The following SMPD3 variants were observed in gnomAD, a reference collection of about 807,000 sequenced individuals.
The protein encoded by SMPD3 is sphingomyelin phosphodiesterase 3, also known as nSMase-2.
In SMPD3, 21 loss-of-function variants were observed where a neutral mutation model predicts 55.7. The observed-to-expected ratio is 0.38, with a 90% CI of 0.27 to 0.54. SMPD3 has a LOEUF of 0.54. Among genes scored for constraint, SMPD3 ranks in the 20% least tolerant of loss-of-function variants. The pLI is 0.80. For missense variants in SMPD3, 842 were observed against 899.6 expected, an observed-to-expected ratio of 0.94 and a Z score of 0.82; for synonymous variants, 457 against 404.3, an observed-to-expected ratio of 1.13 and a Z score of -1.56.
rs1310840184 is a variant in SMPD3 at position 68,371,666 on chromosome 16, G to A, written c.516C>T (p.Asp172=). Residue 172 remains aspartate (D), a synonymous_variant, in exon 3 of 9, where the codon GAC becomes GAT. Transcript: ENST00000219334. ...AARPQIKIYI[D]SPTNTSISAA... ...CGCTGATGGAGGTATTGGTGGGGGA[G>A]TCGATGTAAATTTTGATCTGGGGCC... is the stretch of plus-strand genomic sequence containing the variant. 3 of 1,567,494 alleles carry A rather than the reference G, an allele frequency of 1.9e-6. No individual in the cohort carries two copies. The highest frequency in any genetic ancestry group is 2.6e-6 in the Non-Finnish European group (3 of 1,157,374).
At chr16:68,399,318 G>C (rs1470493376) in intron 1 of SMPD3, among the ~76,000 whole-genome samples, 1 of 152,226 alleles carries the variant, frequency 6.6e-6, no homozygotes, top group African/African-American at 2.4e-5. Context: ...GTGAAGGTCA[G>C]GAGGTGAGAA....
Position 68,361,263 on chromosome 16 carries a change from C to T in SMPD3, c.1911G>A (p.Thr637=), listed in dbSNP as rs760408988. The stretch of plus-strand genomic sequence containing the variant: ...GTCGCATGGCTACTGGCAGGTGGTC[C>T]GTCAGGCCGGACAGCTGGGTGATAA... The part of the protein sequence containing the change: ...FSFITQLSGL[T]DHLPVAMRLM... The change falls in exon 9 of 9, where the codon ACG becomes ACA. Residue 637 remains threonine (T), a synonymous_variant. Coordinates refer to ENST00000219334, the MANE Select transcript of SMPD3 (RefSeq NM_018667.4). 26 of 1,611,998 alleles carry T rather than the reference C, an allele frequency of 1.6e-5. No homozygotes were observed. Among genetic ancestry groups the T allele is most frequent in the South Asian group, 5.5e-5 (5 of 90,602 alleles).
intron 1 of SMPD3, among the ~76,000 whole-genome samples, chr16:68,396,621 A>C (rs1365723136): frequency 2.0e-5 from 3 of 150,836 alleles, no homozygotes; most frequent in Non-Finnish European, 4.4e-5. Context: ...CACAGGGCCC[A>C]GTCCCTGACA....
chr16:68,396,589 G>A (rs544418966), intron 1 of SMPD3, among the ~76,000 whole-genome samples: 20 of 152,044 alleles, frequency 1.3e-4, no homozygotes, highest in Non-Finnish European at 2.6e-4. Context: ...TACTGGCAGC[G>A]TAGAGCCCCC....
chr16:68,361,369 G>A (rs2089253824), intron 8 of SMPD3, 62 bp from the exon 9 acceptor site: 1 of 1,526,904 alleles, frequency 6.5e-7, no homozygotes, highest in African/African-American at 1.4e-5. Flanking sequence ...CTTGCAGGGA[G>A]CGGCCTGGGG....
intron 2 of SMPD3, among the ~76,000 whole-genome samples, chr16:68,385,969 T>G (rs2090046498): frequency 6.6e-6 from 1 of 152,226 alleles, no homozygotes; most frequent in South Asian, 2.1e-4. Context: ...GTGCCTGTAG[T>G]CCTAGCACAT....
chr16:68,367,821 T>G (rs2089531628), intron 3 of SMPD3: 1 of 152,290 alleles, frequency 6.6e-6, no homozygotes. Flanking sequence ...CGAAAGGCTG[T>G]GCCTTTGAGT....
chr16:68,444,455 CCT>C (rs1355025342), intron 1 of SMPD3, among the ~76,000 whole-genome samples: 53 of 152,304 alleles, frequency 3.5e-4, no homozygotes, highest in African/African-American at 1.3e-3. Context: ...TTCTAAGGAG[CCT>C]CTCAGAACTG....
In SMPD3 at chr16:68,378,566, C is replaced by T. The variant is rs529290879; in HGVS notation, c.-206-6179G>A. ...TCCCTGCAGTCCTCCCTGACCTGCA[C>T]ACCCCCCCACCCCCTCAGTCTGTCA... On this transcript the variant is annotated intron_variant, in intron 2 of 8. Coordinates refer to ENST00000219334, the MANE Select transcript of SMPD3 (RefSeq NM_018667.4). Among the ~76,000 whole-genome samples, 19 of 152,076 alleles carry T rather than the reference C, an allele frequency of 1.2e-4. No individual in the cohort carries two copies. The East Asian group carries it at 2.9e-3, about 23-fold the overall frequency.
At chr16:68,393,282 G>T (rs2090128308) in intron 1 of SMPD3, among the ~76,000 whole-genome samples, 1 of 152,186 alleles carries the variant, frequency 6.6e-6, no homozygotes. Context: ...GTGTGAGTCT[G>T]TAGTCCCAGC....
intron 1 of SMPD3, among the ~76,000 whole-genome samples, chr16:68,414,624 G>A (rs2090325608): frequency 6.6e-6 from 1 of 152,294 alleles, no homozygotes; most frequent in South Asian, 2.1e-4. Flanking sequence ...AGGAACAGAA[G>A]GAATGGCATG....
intron 1 of SMPD3, among the ~76,000 whole-genome samples, chr16:68,389,234 G>T (rs1471643776): frequency 6.6e-6 from 1 of 152,204 alleles, no homozygotes; most frequent in Non-Finnish European, 1.5e-5. Context: ...CGTTTACCTA[G>T]CACAGCAAGG....
intron 1 of SMPD3, among the ~76,000 whole-genome samples, chr16:68,412,628 A>T (rs2090310806): frequency 6.6e-6 from 1 of 152,220 alleles, no homozygotes; most frequent in African/African-American, 2.4e-5. Flanking sequence ...TTACAAAGAA[A>T]ATCAAGCCCA....
At chr16:68,389,169 A>G (rs2090088665) in intron 1 of SMPD3, among the ~76,000 whole-genome samples, 1 of 152,220 alleles carries the variant, frequency 6.6e-6, no homozygotes, top group Non-Finnish European at 1.5e-5. Context: ...TCTGGCTTAA[A>G]TAGGCAGTAG....
intron 1 of SMPD3, among the ~76,000 whole-genome samples, chr16:68,416,131 C>G (rs932057091): frequency 3.3e-5 from 5 of 152,194 alleles, no homozygotes; most frequent in African/African-American, 9.7e-5. Flanking sequence ...ACTCTGAGAC[C>G]AGACCTCTAT....
At position 68,371,791 on chromosome 16, in the gene SMPD3, C is replaced by T. The variant is rs34840366; in HGVS notation, c.391G>A (p.Val131Ile). The stretch of plus-strand genomic sequence containing the variant: ...GCGAGTGAGTCGGGCAGGAGGCAGA[C>T]GTTGGCAGTGGCAAAGCAGAAGCTT... ...GKSFCFATAN[V>I]CLLPDSLARV... The change falls in exon 3 of 9, where the codon GTC becomes ATC. Residue 131 changes from valine (V) to isoleucine (I), a missense_variant. Physicochemically the swap from Val to Ile is conservative, Grantham distance 29 (BLOSUM62 3). Around this residue, in one of 2 missense-constraint regions of SMPD3, gnomAD observed 193 missense variants for 256.0 expected, o/e 0.75. Transcript: ENST00000219334. The T allele has an allele frequency of 1.3e-5, 21 of 1,609,608 alleles. No individual in the cohort carries two copies. The highest frequency in any genetic ancestry group is 4.5e-5 in the East Asian group (2 of 44,702).
At chr16:68,400,879 A>G (rs543735292) in intron 1 of SMPD3, among the ~76,000 whole-genome samples, 1 of 152,372 alleles carries the variant, frequency 6.6e-6, no homozygotes, top group Admixed American at 6.5e-5. Flanking sequence ...GCCAGCTCTG[A>G]GTGAGAGAGG....
At chr16:68,414,101 C>G (rs568121514) in intron 1 of SMPD3, among the ~76,000 whole-genome samples, 1 of 152,208 alleles carries the variant, frequency 6.6e-6, no homozygotes, top group Non-Finnish European at 1.5e-5. Context: ...AACTCTGTTC[C>G]CATAGTCTAA....
At chr16:68,364,483 G>A (rs949953822) in intron 5 of SMPD3, 61 of 460,054 alleles carry the variant, frequency 1.3e-4, no homozygotes, top group Admixed American at 1.2e-4. Context: ...TAGTGGACTC[G>A]TCCTTTGTCT....
Sources: gnomAD v4.1 joint callset for allele counts (sites outside exome capture counted in the v4.1 genomes callset) on GRCh38, gnomAD v4.1.1 for gene constraint, gnomAD v4.1.1 regional missense constraint, MANE v1.5 for transcripts, NCBI Gene and HGNC (gene_info 2026-07-23, HGNC 2026-07-21) for gene names.